Variants in PCDH15 observed in about 807,000 individuals in gnomAD.
PCDH15 encodes protocadherin related 15.
A neutral mutation model predicts 178.5 loss-of-function variants in PCDH15; 129 were observed. That is an observed-to-expected ratio of 0.72 (90% CI 0.63 to 0.84). The LOEUF (loss-of-function observed/expected upper bound fraction) is 0.84. Among genes scored for constraint, PCDH15 ranks in the 40% least tolerant of loss-of-function variants. The probability of loss-of-function intolerance (pLI) is 0.00; values close to 1 mark genes in which losing one functional copy is unlikely to be tolerated. For synonymous variants in PCDH15, 800 were observed against 732.0 expected (o/e 1.09, Z -1.50); for missense variants, 2,230 against 2,099.9 (o/e 1.06, Z -1.21).
chr10:55,608,337 A>T (rs1306766786), intron 2 of PCDH15, among the ~76,000 whole-genome samples: 1 of 151,210 alleles, frequency 6.6e-6, no homozygotes, highest in Non-Finnish European at 1.5e-5. Flanking sequence ...GAGAGGAGAG[A>T]TAATAAAATA....
At chr10:55,503,056 T>C (rs1840689653) in intron 2 of PCDH15, among the ~76,000 whole-genome samples, 1 of 151,534 alleles carries the variant, frequency 6.6e-6, no homozygotes, top group Admixed American at 6.6e-5. Flanking sequence ...TTAGTTTTTA[T>C]AGGAAACCAT....
intron 3 of PCDH15, among the ~76,000 whole-genome samples, chr10:54,491,999 A>T (rs2079640541): frequency 6.6e-6 from 1 of 152,192 alleles, no homozygotes; most frequent in Non-Finnish European, 1.5e-5. Flanking sequence ...TATCACATTT[A>T]AAGTAATATG....
intron 23 of PCDH15, among the ~76,000 whole-genome samples, chr10:53,949,051 C>T (rs959869383): frequency 1.1e-4 from 17 of 152,192 alleles, no homozygotes; most frequent in African/African-American, 3.6e-4. Context: ...GTAAGTTGAA[C>T]TGTTTGGACT....
chr10:54,241,777 T>C (rs928235615), intron 8 of PCDH15, among the ~76,000 whole-genome samples: 1 of 151,988 alleles, frequency 6.6e-6, no homozygotes, highest in South Asian at 2.1e-4. Context: ...ATTAGGTCCA[T>C]ATAAAGAGAT....
In PCDH15 at chr10:55,445,006, C is replaced by A. The variant is rs79116027; in HGVS notation, c.-156+182619G>T. On this transcript the variant is annotated intron_variant, in intron 2 of 5. Transcript: ENST00000613346. ...ATAGATTCAAATGCATAGAATTAAA[C>A]GGAGAAAGAAGGGAGGTGAAGGAAA... 1.4e-3 allele frequency among the ~76,000 whole-genome samples: 209 copies of A among 151,510 alleles called. 4 individuals carry two copies. In the East Asian group the frequency reaches 0.038, roughly 28 times the overall value.
chr10:54,628,562 G>T (rs2093620319), intron 2 of PCDH15, among the ~76,000 whole-genome samples: 1 of 152,130 alleles, frequency 6.6e-6, no homozygotes, highest in South Asian at 2.1e-4. Context: ...TAGAAGTCAT[G>T]CCAGTAATTC....
At position 55,438,759 on chromosome 10, in the gene PCDH15, A is replaced by G. The variant is rs1238830417; in HGVS notation, c.-156+188866T>C. 2.6e-5 allele frequency among the ~76,000 whole-genome samples: 4 copies of G among 152,038 alleles called. No individual in the cohort carries two copies. The East Asian group carries it at 7.7e-4, about 29-fold the overall frequency. ...AAATGACATATATTGAAGACTGGAAATAGAACAAAATTAATATTTTTGTTC... is the reference window on the plus strand; with the variant it reads ...AAATGACATATATTGAAGACTGGAAGTAGAACAAAATTAATATTTTTGTTC... On this transcript the variant is annotated intron_variant, in intron 2 of 5. Coordinates refer to the PCDH15 transcript ENST00000613346.
At chr10:54,488,024 CTT>C (rs528870630) in intron 3 of PCDH15, among the ~76,000 whole-genome samples, 1 of 151,744 alleles carries the variant, frequency 6.6e-6, no homozygotes, top group African/African-American at 2.4e-5. Flanking sequence ...AAACTGTATC[CTT>C]TTTCCTTGAT....
intron 2 of PCDH15, among the ~76,000 whole-genome samples, chr10:55,567,662 C>T (rs947801846): frequency 5.9e-5 from 9 of 151,818 alleles, no homozygotes; most frequent in East Asian, 1.9e-4. Flanking sequence ...AGAAGATATA[C>T]AAATGGCAAA....
At chr10:54,184,936 T>C (rs1426725416) in intron 12 of PCDH15, among the ~76,000 whole-genome samples, 198 bp downstream of exon 12, 5 of 152,064 alleles carry the variant, frequency 3.3e-5, no homozygotes, top group Non-Finnish European at 5.9e-5. Context: ...AATGTTAATA[T>C]AGCTACACAA....
intron 26 of PCDH15, among the ~76,000 whole-genome samples, chr10:53,901,725 C>T (rs2082348506): frequency 6.6e-6 from 1 of 152,164 alleles, no homozygotes; most frequent in Non-Finnish European, 1.5e-5. Flanking sequence ...AGCTCCCTGT[C>T]TACCTTTAGG....
upstream of PCDH15, among the ~76,000 whole-genome samples, chr10:54,803,341 T>C (rs1223932655): frequency 1.3e-5 from 2 of 152,226 alleles, no homozygotes; most frequent in Non-Finnish European, 2.9e-5. Context: ...AGATAGTTTC[T>C]AATTTTAATA....
At chr10:55,071,326 A>T (rs994991472) in intron 2 of PCDH15, among the ~76,000 whole-genome samples, 1 of 152,126 alleles carries the variant, frequency 6.6e-6, no homozygotes, top group African/African-American at 2.4e-5. Flanking sequence ...GTCAAGACCC[A>T]TCAGTGTGCT....
chr10:55,044,712 A>G (rs1840954509), intron 2 of PCDH15, among the ~76,000 whole-genome samples: 1 of 152,120 alleles, frequency 6.6e-6, no homozygotes, highest in South Asian at 2.1e-4. Flanking sequence ...TCTACACTAG[A>G]TCCTTCCAAT....
At chr10:54,531,300 G>T (rs553729298) in intron 2 of PCDH15, among the ~76,000 whole-genome samples, 1 of 152,254 alleles carries the variant, frequency 6.6e-6, no homozygotes, top group African/African-American at 2.4e-5. Context: ...GTAAAGTACA[G>T]GATATGAATA....
At chr10:54,501,642 C>G (rs940728747) in intron 3 of PCDH15, among the ~76,000 whole-genome samples, 1 of 152,094 alleles carries the variant, frequency 6.6e-6, no homozygotes, top group East Asian at 1.9e-4. Flanking sequence ...CTCCCTTCTA[C>G]TCTTCTACTT....
intron 3 of PCDH15, among the ~76,000 whole-genome samples, chr10:54,859,826 A>C (rs1174782064): frequency 2.0e-5 from 3 of 151,940 alleles, no homozygotes; most frequent in Non-Finnish European, 2.9e-5. Flanking sequence ...AATCTGTAAT[A>C]TAAAGTCGTA....
chr10:54,512,720 C>T (rs528826453), intron 3 of PCDH15, among the ~76,000 whole-genome samples: 26 of 151,938 alleles, frequency 1.7e-4, no homozygotes, highest in African/African-American at 5.6e-4. Context: ...ATTACTAACA[C>T]GTAGAATAGA....
chr10:54,101,750 T>C (rs963470266), intron 15 of PCDH15, among the ~76,000 whole-genome samples: 2 of 152,080 alleles, frequency 1.3e-5, no homozygotes, highest in South Asian at 2.1e-4. Flanking sequence ...GAAGATTATA[T>C]GTGGATAGGA....
Sources: allele counts gnomAD v4.1 joint callset (sites outside exome capture counted in the v4.1 genomes callset), GRCh38; gene constraint gnomAD v4.1.1; transcripts MANE v1.5; gene names NCBI Gene and HGNC (gene_info 2026-07-23, HGNC 2026-07-21).